The following VWA2 variants were observed in gnomAD, a reference collection of about 807,000 sequenced individuals.
The protein encoded by VWA2 is von Willebrand factor A domain containing 2.
In VWA2, 73 loss-of-function variants were observed where a neutral mutation model predicts 70.4. The observed-to-expected ratio is 1.04, with a 90% confidence interval of 0.86 to 1.26. The LOEUF is 1.26. Among genes scored for constraint, VWA2 ranks in the 50% most tolerant of loss-of-function variants. The pLI is 0.00. For synonymous variants in VWA2, 407 were observed against 423.3 expected, an observed-to-expected ratio of 0.96 and a Z score of 0.47; for missense variants, 1,011 against 998.5, an observed-to-expected ratio of 1.01 and a Z score of -0.17.
At position 114,291,342 on chromosome 10, in the gene VWA2, C is replaced by T. The variant is rs2039580678; in HGVS notation, c.*105C>T. The T allele has an allele frequency of 3.0e-6, 4 of 1,352,036 alleles. No homozygotes were observed. In the African/African-American group the frequency reaches 5.9e-5, roughly 20 times the overall value. The allele number at this position is 1,352,036 out of a possible 1,614,324, so 83.8% of individuals were successfully genotyped here. On this transcript the variant is annotated 3_prime_UTR_variant, in exon 14 of 14. Transcript: ENST00000392982. Reference sequence around the variant, plus strand: ...GCCTACCTTCTGGAATGTCTGTGCCCCAGGTCCTTAGAATGTCTGCTTCCC... The same window carrying T: ...GCCTACCTTCTGGAATGTCTGTGCCTCAGGTCCTTAGAATGTCTGCTTCCC...
At chr10:114,247,647 A>T (rs1208798151) in intron 1 of VWA2, among the ~76,000 whole-genome samples, 1 of 151,656 alleles carries the variant, frequency 6.6e-6, no homozygotes, top group Non-Finnish European at 1.5e-5. Context: ...AACTTTAAAT[A>T]TGCAAATAAC....
chr10:114,255,771 A>AT (rs34578196), intron 4 of VWA2, among the ~76,000 whole-genome samples: 22,459 of 149,358 alleles, frequency 0.15, 1,746 homozygotes, highest in Middle Eastern at 0.22. Context: ...TAAAAGGGGC[A>AT]TTTTTTTTTT....
intron 2 of VWA2, among the ~76,000 whole-genome samples, chr10:114,249,341 C>T (rs990808477): frequency 6.6e-6 from 1 of 152,162 alleles, no homozygotes; most frequent in Non-Finnish European, 1.5e-5. Context: ...ACTGTAACTT[C>T]CACCTCCCGG....
chr10:114,281,431 T>G (rs565891842), intron 8 of VWA2, among the ~76,000 whole-genome samples: 12 of 152,268 alleles, frequency 7.9e-5, no homozygotes, highest in African/African-American at 2.9e-4. Flanking sequence ...TTCCGGTAAT[T>G]ATGTGACCTC....
chr10:114,250,077 G>A (rs1267172437), intron 2 of VWA2, among the ~76,000 whole-genome samples: 3 of 152,034 alleles, frequency 2.0e-5, no homozygotes, highest in Non-Finnish European at 4.4e-5. Context: ...CAATTCCCCT[G>A]GGACCTCCAG....
rs774546528 is a variant in VWA2 at position 114,253,642 on chromosome 10, C to G, written c.53-9C>G. On this transcript the variant is annotated splice_polypyrimidine_tract_variant and intron_variant, in intron 2 of 13. Coordinates refer to ENST00000392982, the MANE Select transcript of VWA2 (RefSeq NM_001272046.2). ...TTTTAATGGCTGCTTCTGGTGTTTT[C>G]TCTCCTAGTGCCCCCATCTCTCCCT... 6.2e-7 allele frequency: 1 copy of G among 1,611,168 alleles called. No individual in the cohort carries two copies. The highest frequency in any genetic ancestry group is 8.5e-7 in the Non-Finnish European group (1 of 1,179,358).
chr10:114,260,881 C>G (rs747699712), intron 4 of VWA2, among the ~76,000 whole-genome samples: 7 of 152,182 alleles, frequency 4.6e-5, no homozygotes, highest in African/African-American at 1.7e-4. Flanking sequence ...AGAGACCCAG[C>G]CCTAAAGATG....
chr10:114,276,919 G>C (rs560864589), intron 6 of VWA2, among the ~76,000 whole-genome samples: 1 of 152,202 alleles, frequency 6.6e-6, no homozygotes, highest in African/African-American at 2.4e-5. Flanking sequence ...GGGCTGGGGG[G>C]CTCCAGGGCT....
Position 114,282,598 on chromosome 10 carries a change from G to A in VWA2, c.889+27G>A, listed in dbSNP as rs549436798. On this transcript the variant is annotated intron_variant, in intron 9 of 13. Transcript: ENST00000392982. Reference sequence around the variant, plus strand: ...TATGGTCTGTCTCTTGGATTTACAGGTTCTTTCAGGGCCCTGGGCCCAGGC... The same window carrying A: ...TATGGTCTGTCTCTTGGATTTACAGATTCTTTCAGGGCCCTGGGCCCAGGC... The A allele has an allele frequency of 5.6e-6, 9 of 1,606,270 alleles. No homozygotes were observed. The African/African-American group carries it at 6.7e-5, about 12-fold the overall frequency.
intron 1 of VWA2, chr10:114,246,212 C>CGGGTT: frequency 2.8e-6 from 3 of 1,090,578 alleles, no homozygotes; most frequent in Non-Finnish European, 4.2e-6. Flanking sequence ...AAGAATATCA[C>CGGGTT]GGGTTGGGCT....
intron 12 of VWA2, 163 bp from the exon 13 acceptor site, chr10:114,290,077 A>G (rs1042720573): frequency 7.1e-6 from 6 of 839,800 alleles, no homozygotes; most frequent in South Asian, 1.9e-5. Context: ...GCTGGGTCTT[A>G]CTAACCTAGC....
At chr10:114,261,130 T>A in intron 4 of VWA2, 56 bp from the exon 5 acceptor site, 1 of 1,315,326 alleles carries the variant, frequency 7.6e-7, no homozygotes, top group Non-Finnish European at 1.1e-6. Context: ...TCTTTCCTCT[T>A]AGGAATGTTT....
rs2036937679 is a variant in VWA2, at chr10:114,239,557, C to T, written c.-23C>T. 1 of 152,274 alleles carries T rather than the reference C, an allele frequency of 6.6e-6. No homozygotes were observed. The highest frequency in any genetic ancestry group is 2.1e-4 in the South Asian group (1 of 4,838). 9.4% of individuals were successfully genotyped at this position (152,274 alleles called of 1,614,324 possible). On this transcript the variant is annotated 5_prime_UTR_variant, in exon 1 of 14. Transcript: ENST00000392982. ...CGCCCGGGCACCGAGCGCTGGTCGC[C>T]GCTCTCCTTCCGGTGAGTCCCAGCC...
At chr10:114,268,069 A>G (rs751025759) in intron 5 of VWA2, among the ~76,000 whole-genome samples, 1 of 152,082 alleles carries the variant, frequency 6.6e-6, no homozygotes, top group Non-Finnish European at 1.5e-5. Flanking sequence ...TAACAATACT[A>G]TTTCTTTCCC....
At chr10:114,248,793 A>T (rs1320029827) in intron 2 of VWA2, 28 bp downstream of exon 2, 2 of 1,607,528 alleles carry the variant, frequency 1.2e-6, no homozygotes, top group Non-Finnish European at 1.7e-6. Context: ...GTGGTGGGGA[A>T]GTACTGGCGT....
At chr10:114,282,193 G>A (rs1181728063) in intron 8 of VWA2, among the ~76,000 whole-genome samples, 1 of 151,854 alleles carries the variant, frequency 6.6e-6, no homozygotes, top group Non-Finnish European at 1.5e-5. Flanking sequence ...TAGTAGAGAC[G>A]GGGCTTCACC....
At chr10:114,278,981 G>A (rs2037925533) in intron 8 of VWA2, 130 bp downstream of exon 8, 3 of 1,405,166 alleles carry the variant, frequency 2.1e-6, no homozygotes, top group African/African-American at 1.4e-5. Context: ...CTGGGAGGGA[G>A]CCAGGGACGT....
chr10:114,270,495 G>A (rs1179162941), intron 5 of VWA2, among the ~76,000 whole-genome samples: 3 of 152,346 alleles, frequency 2.0e-5, no homozygotes, highest in Middle Eastern at 3.4e-3. Context: ...TTTGTCAAAT[G>A]TGGGTAAGAT....
intron 11 of VWA2, among the ~76,000 whole-genome samples, chr10:114,287,157 G>A (rs2039003206): frequency 6.6e-6 from 1 of 152,168 alleles, no homozygotes; most frequent in African/African-American, 2.4e-5. Context: ...CCTGGCCCAT[G>A]GCCAGAGATG....
Sources: allele counts gnomAD v4.1 joint callset (sites outside exome capture counted in the v4.1 genomes callset), GRCh38; gene constraint gnomAD v4.1.1; transcripts MANE v1.5; gene names NCBI Gene and HGNC (gene_info 2026-07-23, HGNC 2026-07-21).